Variants in ATP10B observed in about 807,000 individuals in gnomAD.
ATP10B encodes ATPase phospholipid transporting 10B (putative), also known as phospholipid-transporting ATPase VB.
Under a neutral mutation model 141.2 loss-of-function variants are expected in ATP10B, and 122 were observed. The observed-to-expected ratio is 0.86, with a 90% confidence interval of 0.75 to 1.00. ATP10B has a LOEUF of 1.00. Among genes scored for constraint, ATP10B ranks in the 50% least tolerant of loss-of-function variants. ATP10B has a pLI of 0.00. For missense variants in ATP10B, 1,876 were observed against 1,825.3 expected (o/e 1.03, Z -0.51); for synonymous variants, 685 against 692.0 (o/e 0.99, Z 0.16).
intron 6 of ATP10B, among the ~76,000 whole-genome samples, chr5:160,684,470 T>C (rs1277248764): frequency 6.6e-6 from 1 of 152,166 alleles, no homozygotes; most frequent in African/African-American, 2.4e-5. Context: ...CAATACTCCA[T>C]TGCTCCCCCA....
chr5:160,635,219 T>C (rs1759272914), intron 11 of ATP10B, among the ~76,000 whole-genome samples: 1 of 151,876 alleles, frequency 6.6e-6, no homozygotes, highest in African/African-American at 2.4e-5. Context: ...TATGAGGAAG[T>C]CAGGGTGTGA....
At chr5:160,648,617 C>T (rs548051745) in intron 8 of ATP10B, among the ~76,000 whole-genome samples, 1 of 152,268 alleles carries the variant, frequency 6.6e-6, no homozygotes, top group Admixed American at 6.5e-5. Context: ...TGAATATTTC[C>T]TCTCTGCCAG....
intron 7 of ATP10B, among the ~76,000 whole-genome samples, chr5:160,656,540 A>C (rs1761510841): frequency 6.6e-6 from 1 of 152,328 alleles, no homozygotes; most frequent in East Asian, 1.9e-4. Context: ...TCACACATGC[A>C]TGTACCACTA....
the ATP10B span, among the ~76,000 whole-genome samples, chr5:160,917,417 C>T: frequency 6.6e-6 from 1 of 152,004 alleles, no homozygotes; most frequent in Non-Finnish European, 1.5e-5. Context: ...ACACCTCTAA[C>T]CATGAACAGG....
chr5:160,644,303 G>A (rs1760111290), intron 8 of ATP10B, 59 bp from the exon 9 acceptor site: 2 of 1,186,844 alleles, frequency 1.7e-6, no homozygotes, highest in Non-Finnish European at 1.3e-6. Context: ...GCTGTCACTG[G>A]GTACTGTCAC....
chr5:160,920,721 G>A, the ATP10B span, among the ~76,000 whole-genome samples: 3 of 152,196 alleles, frequency 2.0e-5, no homozygotes, highest in Non-Finnish European at 4.4e-5. Context: ...CCGCTGCAGT[G>A]CTTCTCACAC....
At chr5:160,715,110 A>G (rs914848507) in intron 3 of ATP10B, among the ~76,000 whole-genome samples, 1 of 148,068 alleles carries the variant, frequency 6.8e-6, no homozygotes, top group Non-Finnish European at 1.5e-5. Flanking sequence ...CTACAGAGGC[A>G]GGCAGGCCTC....
At chr5:160,672,710 G>A (rs1762789555) in intron 6 of ATP10B, among the ~76,000 whole-genome samples, 1 of 152,222 alleles carries the variant, frequency 6.6e-6, no homozygotes, top group Admixed American at 6.5e-5. Flanking sequence ...CTCTGGGCAT[G>A]TTCTTGTTTC....
chr5:160,822,993 TATATATAC>T (rs561930861), intron 1 of ATP10B, among the ~76,000 whole-genome samples: 4,718 of 77,284 alleles, frequency 0.061, 140 homozygotes, highest in African/African-American at 0.069. Flanking sequence ...CATATACATA[TATATATAC>T]ATATATATAT....
intron 10 of ATP10B, among the ~76,000 whole-genome samples, chr5:160,639,721 A>AG (rs530592500): frequency 5.1e-4 from 77 of 152,232 alleles, no homozygotes; most frequent in African/African-American, 1.8e-3. Context: ...GTCAGTGGGG[A>AG]GGGGGAGATG....
chr5:160,860,098 T>C, the ATP10B span, among the ~76,000 whole-genome samples: 2 of 151,904 alleles, frequency 1.3e-5, no homozygotes, highest in Admixed American at 1.3e-4. Context: ...TTTGGGGCAA[T>C]AGTATGTTTT....
chr5:160,719,790 G>A (rs1211561786), intron 2 of ATP10B, among the ~76,000 whole-genome samples: 1 of 152,188 alleles, frequency 6.6e-6, no homozygotes, highest in East Asian at 1.9e-4. Flanking sequence ...CTTTGCAAGG[G>A]AAGTGTGATT....
In ATP10B at chr5:160,829,735, A is replaced by G. The variant is rs150316576; in HGVS notation, c.-576+22206T>C. Among the ~76,000 whole-genome samples the G allele has an allele frequency of 6.0e-3, 917 of 152,186 alleles. 13 individuals are homozygous for G. Among genetic ancestry groups the G allele is most frequent in the African/African-American group, 0.021 (873 of 41,546 alleles). ...TTTGTGGTATTTTAAATGCAATCAT[A>G]TTCTTCGACTCTTAGCCTAGATGTT... On this transcript the variant is annotated intron_variant, in intron 1 of 25. Transcript: ENST00000327245.
At chr5:160,922,196 G>T in the ATP10B span, among the ~76,000 whole-genome samples, 1 of 152,204 alleles carries the variant, frequency 6.6e-6, no homozygotes, top group East Asian at 1.9e-4. Flanking sequence ...GTAGACCAGA[G>T]AAAGGGCTCA....
chr5:160,866,680 C>CA, the ATP10B span, among the ~76,000 whole-genome samples: 1 of 151,892 alleles, frequency 6.6e-6, no homozygotes, highest in Non-Finnish European at 1.5e-5. Flanking sequence ...GTCTCAAAAA[C>CA]AAAACAAAAC....
At chr5:160,779,328 A>T (rs1001267357) in intron 2 of ATP10B, among the ~76,000 whole-genome samples, 2 of 152,200 alleles carry the variant, frequency 1.3e-5, no homozygotes, top group Non-Finnish European at 2.9e-5. Context: ...GGCCTTGAGT[A>T]GATATAGTGA....
chr5:160,717,723 A>C (rs1195237226), intron 2 of ATP10B, among the ~76,000 whole-genome samples: 2 of 152,080 alleles, frequency 1.3e-5, no homozygotes, highest in African/African-American at 4.8e-5. Flanking sequence ...CCTCCCTAAA[A>C]CCCTACAATT....
chr5:160,823,967 A>G (rs1425305123), intron 1 of ATP10B, among the ~76,000 whole-genome samples: 1 of 152,240 alleles, frequency 6.6e-6, no homozygotes, highest in Non-Finnish European at 1.5e-5. Flanking sequence ...GAAAATACAA[A>G]TAAGTACGCA....
the ATP10B span, among the ~76,000 whole-genome samples, chr5:160,886,655 T>G: frequency 6.6e-6 from 1 of 152,126 alleles, no homozygotes; most frequent in Non-Finnish European, 1.5e-5. Context: ...GACCAACAAA[T>G]CTAGGGAAGA....
Sources: gnomAD v4.1 joint callset for allele counts (sites outside exome capture counted in the v4.1 genomes callset) on GRCh38, gnomAD v4.1.1 for gene constraint, MANE v1.5 for transcripts, NCBI Gene and HGNC (gene_info 2026-07-23, HGNC 2026-07-21) for gene names.